The following MYO16 variants were observed in gnomAD, a reference collection of about 807,000 sequenced individuals.
The protein encoded by MYO16 is myosin XVI, also known as unconventional myosin-XVI.
A neutral mutation model predicts 205.3 loss-of-function variants in MYO16; 94 were observed. The ratio of observed to expected loss-of-function variants is 0.46; its 90% CI spans 0.39 to 0.54. MYO16 has a LOEUF of 0.54. Among genes scored for constraint, MYO16 ranks in the 20% least tolerant of loss-of-function variants. MYO16 has a pLI of 0.00. For missense variants in MYO16, 2,315 were observed against 2,387.5 expected, an observed-to-expected ratio of 0.97 and a Z score of 0.63; for synonymous variants, 988 against 954.0, an observed-to-expected ratio of 1.04 and a Z score of -0.66.
At chr13:108,617,565 A>G (rs1333391006) in intron 1 of MYO16, among the ~76,000 whole-genome samples, 2 of 152,190 alleles carry the variant, frequency 1.3e-5, no homozygotes, top group South Asian at 2.1e-4. Context: ...CTTCACAGGT[A>G]CGGGCTTTCA....
chr13:108,558,680 C>T, the MYO16 span, among the ~76,000 whole-genome samples: 1 of 152,176 alleles, frequency 6.6e-6, no homozygotes, highest in South Asian at 2.1e-4. Context: ...GCTGGCAGAG[C>T]TGTCTGCCCT....
intron 2 of MYO16, among the ~76,000 whole-genome samples, chr13:108,671,911 A>C (rs1057292547): frequency 2.0e-5 from 3 of 152,062 alleles, no homozygotes; most frequent in African/African-American, 7.2e-5. Context: ...AACTCCTAAT[A>C]CCATCACATG....
the MYO16 span, among the ~76,000 whole-genome samples, chr13:108,567,196 C>T: frequency 2.4e-4 from 36 of 151,470 alleles, no homozygotes; most frequent in South Asian, 3.1e-3. Context: ...TCGGAGATAA[C>T]GAAGTAAATA....
upstream of MYO16, among the ~76,000 whole-genome samples, chr13:108,628,684 T>C (rs979410886): frequency 2.0e-5 from 3 of 152,168 alleles, no homozygotes; most frequent in African/African-American, 7.2e-5. Context: ...TAGATTTGAA[T>C]TTCATAATCT....
the MYO16 span, among the ~76,000 whole-genome samples, chr13:108,504,902 T>C: frequency 1.3e-5 from 2 of 152,204 alleles, no homozygotes; most frequent in Non-Finnish European, 2.9e-5. Context: ...AGTGGAATAA[T>C]GCAGTATTTG....
At chr13:108,539,280 C>T in the MYO16 span, among the ~76,000 whole-genome samples, 872 of 152,178 alleles carry the variant, frequency 5.7e-3, 9 homozygotes, top group African/African-American at 0.019. Flanking sequence ...GAGTAAGCTG[C>T]TTTTATAAAC....
intron 4 of MYO16, among the ~76,000 whole-genome samples, chr13:108,777,425 C>A (rs1292549998): frequency 6.6e-6 from 1 of 152,140 alleles, no homozygotes; most frequent in Non-Finnish European, 1.5e-5. Flanking sequence ...GCCACTGTTC[C>A]CCACATCGGG....
At chr13:109,130,342 T>A (rs889854683) in intron 31 of MYO16, among the ~76,000 whole-genome samples, 6 of 152,218 alleles carry the variant, frequency 3.9e-5, no homozygotes, top group Non-Finnish European at 8.8e-5. Context: ...ATGCATTGTT[T>A]CCTTTTTACC....
intron 4 of MYO16, among the ~76,000 whole-genome samples, chr13:108,766,831 T>G (rs566661317): frequency 6.6e-6 from 1 of 152,338 alleles, no homozygotes; most frequent in Admixed American, 6.5e-5. Flanking sequence ...TCTTTGGAGT[T>G]TGTCCTTGAA....
chr13:108,858,044 T>G (rs1439464188), intron 11 of MYO16, among the ~76,000 whole-genome samples: 1 of 152,216 alleles, frequency 6.6e-6, no homozygotes, highest in Non-Finnish European at 1.5e-5. Flanking sequence ...TCCCCTCTAA[T>G]GGGTAGACAA....
At chr13:109,177,416 A>T (rs1201574917) in intron 33 of MYO16, among the ~76,000 whole-genome samples, 1 of 152,254 alleles carries the variant, frequency 6.6e-6, no homozygotes, top group Non-Finnish European at 1.5e-5. Context: ...TGCAGTGCTC[A>T]GCAGGCTATC....
the MYO16 span, among the ~76,000 whole-genome samples, chr13:108,527,580 A>G: frequency 2.0e-5 from 3 of 152,162 alleles, no homozygotes; most frequent in Non-Finnish European, 2.9e-5. Flanking sequence ...TAAAGAAATC[A>G]TTTTGCAAGG....
At chr13:109,103,826 G>A (rs905087183) in intron 28 of MYO16, among the ~76,000 whole-genome samples, 1 of 152,180 alleles carries the variant, frequency 6.6e-6, no homozygotes, top group Non-Finnish European at 1.5e-5. Context: ...CTATGCACCT[G>A]TGTCTGCTTT....
At chr13:108,941,526 A>G (rs1882720623) in intron 16 of MYO16, among the ~76,000 whole-genome samples, 1 of 151,836 alleles carries the variant, frequency 6.6e-6, no homozygotes, top group Non-Finnish European at 1.5e-5. Flanking sequence ...AAAATACAAA[A>G]ATTAGCTGGG....
At chr13:108,521,621 C>G in the MYO16 span, among the ~76,000 whole-genome samples, 1 of 152,150 alleles carries the variant, frequency 6.6e-6, no homozygotes, top group Non-Finnish European at 1.5e-5. Context: ...GTAAATGGCA[C>G]TATTCAAACT....
the MYO16 span, among the ~76,000 whole-genome samples, chr13:108,578,411 CA>C: frequency 2.0e-5 from 3 of 152,154 alleles, no homozygotes; most frequent in African/African-American, 7.2e-5. Context: ...AGCAATTATG[CA>C]AAATTAAATA....
chr13:108,659,450 G>A, intron 1 of MYO16: 1 of 354,844 alleles, frequency 2.8e-6, no homozygotes, highest in East Asian at 9.3e-5. Context: ...AGGGGCTTCT[G>A]GCCATAAACT....
chr13:108,763,826 G>A (rs866716678), intron 4 of MYO16, among the ~76,000 whole-genome samples: 13 of 130,548 alleles, frequency 1.0e-4, no homozygotes, highest in South Asian at 2.5e-4. Context: ...TGTGTGTGTC[G>A]TGTATGTATA....
At position 108,997,613 on chromosome 13, in the gene MYO16, C is replaced by T. The variant is rs375236409; in HGVS notation, c.2442+5165C>T. Reference sequence around the variant, plus strand: ...CAGCACATTGGGAGGTCAAGGCGGTCGGATCACTTGAAGTCAGGAGTTCAA... The same window carrying T: ...CAGCACATTGGGAGGTCAAGGCGGTTGGATCACTTGAAGTCAGGAGTTCAA... On this transcript the variant is annotated intron_variant, in intron 21 of 34. Coordinates refer to ENST00000457511, the MANE Select transcript of MYO16 (RefSeq NM_001198950.3). Among the ~76,000 whole-genome samples the T allele has an allele frequency of 1.8e-3, 274 of 151,654 alleles. 9 individuals carry two copies. The South Asian group carries it at 0.05, about 28-fold the overall frequency.
Sources: allele counts gnomAD v4.1 joint callset (sites outside exome capture counted in the v4.1 genomes callset), GRCh38; gene constraint gnomAD v4.1.1; transcripts MANE v1.5; gene names NCBI Gene and HGNC (gene_info 2026-07-23, HGNC 2026-07-21).